Variants in VAV2 observed in about 807,000 individuals in gnomAD.
VAV2 encodes the protein guanine nucleotide exchange factor VAV2.
Under a neutral mutation model 132.5 loss-of-function variants are expected in VAV2, and 67 were observed. The ratio of observed to expected loss-of-function variants is 0.51; its 90% CI spans 0.42 to 0.62. The LOEUF (loss-of-function observed/expected upper bound fraction) is 0.62. Among genes scored for constraint, VAV2 ranks in the 20% least tolerant of loss-of-function variants. VAV2 has a pLI of 0.00. For synonymous variants in VAV2, 492 were observed against 443.5 expected, an observed-to-expected ratio of 1.11 and a Z score of -1.37; for missense variants, 938 against 1,153.6, an observed-to-expected ratio of 0.81 and a Z score of 2.71.
intron 1 of VAV2, among the ~76,000 whole-genome samples, chr9:133,953,235 T>C (rs1197643908): frequency 6.6e-6 from 1 of 152,240 alleles, no homozygotes; most frequent in Non-Finnish European, 1.5e-5. Flanking sequence ...GGCGCTGGCC[T>C]GTGGTTCTTT....
chr9:133,791,801 CT>C lies in VAV2; in HGVS notation c.1169del (p.Gln390ArgfsTer4). The C allele has an allele frequency of 6.2e-7, 1 of 1,614,176 alleles. No homozygotes were observed. Among genetic ancestry groups the C allele is most frequent in the South Asian group, 1.1e-5 (1 of 91,088 alleles). On this transcript the variant is annotated frameshift_variant, in exon 13 of 30. Coordinates refer to ENST00000371850, the MANE Select transcript of VAV2 (RefSeq NM_001134398.2). LOFTEE classifies it high-confidence loss of function. ...KETLRKISEF[Q>X]SSIENLQVKL... The stretch of plus-strand genomic sequence containing the variant: ...CACTCACCAAATTTTCTATAGAACT[CT>C]GAAATTCGCTGATTTTCCTCAAGGT...
At position 133,840,580 on chromosome 9, in the gene VAV2, A is replaced by C. The variant is rs572557565; in HGVS notation, c.381-6240T>G. On this transcript the variant is annotated intron_variant, in intron 3 of 29. Coordinates refer to ENST00000371850, the MANE Select transcript of VAV2 (RefSeq NM_001134398.2). The surrounding 1 kb of genome is among the most constrained non-coding windows in gnomAD (Gnocchi z 4.5). Reference sequence around the variant, plus strand: ...CAGACCAGAAAACAGAACACCCTACAGGGGTGCCCAAACCCAAACCCCGAA... The same window carrying C: ...CAGACCAGAAAACAGAACACCCTACCGGGGTGCCCAAACCCAAACCCCGAA... 6.6e-6 allele frequency among the ~76,000 whole-genome samples: 1 copy of C among 152,286 alleles called. No homozygotes were observed. Among genetic ancestry groups the C allele is most frequent in the African/African-American group, 2.4e-5 (1 of 41,550 alleles).
rs1833447141 is a variant in VAV2 at position 133,766,759 on chromosome 9, A to ATATATAT, written c.2589+1682_2589+1683insATATATA. 2.9e-3 allele frequency among the ~76,000 whole-genome samples: 322 copies of ATATATAT among 112,096 alleles called. 1 individual carries two copies. Among genetic ancestry groups the ATATATAT allele is most frequent in the Middle Eastern group, 0.014 (3 of 218 alleles). The allele number at this position is 112,096 out of a possible 152,430, so 73.5% of individuals were successfully genotyped here. On this transcript the variant is annotated intron_variant, in intron 29 of 29. Transcript: ENST00000371850. ...TACCCTAGAACTTAAAGTATAAATA[A>ATATATAT]ATATATATATATATATATATATATA...
chr9:133,858,792 G>C (rs550326004), intron 3 of VAV2, among the ~76,000 whole-genome samples: 3 of 152,164 alleles, frequency 2.0e-5, no homozygotes, highest in Non-Finnish European at 4.4e-5. Context: ...TTCAGAGCTG[G>C]GTCCACCGAC....
chr9:133,891,327 G>A (rs111741805), intron 2 of VAV2, among the ~76,000 whole-genome samples: 3,235 of 65,218 alleles, frequency 0.05, 416 homozygotes, highest in South Asian at 0.09. Flanking sequence ...GAGACAGAGG[G>A]GAGGAATAGA....
At position 133,818,191 on chromosome 9, in the gene VAV2, C is replaced by T. The variant is rs576095682; in HGVS notation, c.450-5975G>A. Among the ~76,000 whole-genome samples, 8 of 151,844 alleles carry T rather than the reference C, an allele frequency of 5.3e-5. No homozygotes were observed. The East Asian group carries it at 7.7e-4, about 15-fold the overall frequency. The stretch of plus-strand genomic sequence containing the variant: ...CATCCTGTCTAACATGATGAAAACC[C>T]GTCTCTACTAAAAAAATACAAAAAA... On this transcript the variant is annotated intron_variant, in intron 4 of 29. Coordinates refer to ENST00000371850, the MANE Select transcript of VAV2 (RefSeq NM_001134398.2).
intron 1 of VAV2, among the ~76,000 whole-genome samples, chr9:133,954,201 T>C (rs1307975153): frequency 6.6e-6 from 1 of 152,208 alleles, no homozygotes; most frequent in South Asian, 2.1e-4. Context: ...TCTGTTACCA[T>C]CCCAGTCATT....
intron 4 of VAV2, among the ~76,000 whole-genome samples, chr9:133,820,323 C>CTT (rs1410223095): frequency 1.1e-4 from 16 of 149,082 alleles, no homozygotes; most frequent in African/African-American, 3.5e-4. Flanking sequence ...GTTTCTTTTT[C>CTT]TTTTTCTTTT....
At chr9:133,797,141 G>A (rs1171933958) in intron 10 of VAV2, among the ~76,000 whole-genome samples, 1 of 152,322 alleles carries the variant, frequency 6.6e-6, no homozygotes, top group African/African-American at 2.4e-5. Flanking sequence ...CTCCAGCTGG[G>A]AACAGGAGGG....
chr9:133,873,515 G>A (rs1226442039), intron 2 of VAV2, among the ~76,000 whole-genome samples: 4 of 152,226 alleles, frequency 2.6e-5, no homozygotes, highest in African/African-American at 4.8e-5. Context: ...GCCTGTGAAA[G>A]CAATCAGCAC....
At chr9:133,895,157 C>T (rs2131989755) in intron 2 of VAV2, among the ~76,000 whole-genome samples, 1 of 152,252 alleles carries the variant, frequency 6.6e-6, no homozygotes, top group Non-Finnish European at 1.5e-5. Context: ...GGGCTCAACT[C>T]CTACAGCAAA....
At chr9:133,988,124 G>A (rs561517334) in intron 1 of VAV2, among the ~76,000 whole-genome samples, 77 of 152,318 alleles carry the variant, frequency 5.1e-4, no homozygotes, top group African/African-American at 1.5e-3. Flanking sequence ...AGAGGCCTCC[G>A]GGCTAGACGG....
chr9:133,774,581 C>CA (rs1392250711), intron 25 of VAV2, among the ~76,000 whole-genome samples: 1 of 152,210 alleles, frequency 6.6e-6, no homozygotes, highest in African/African-American at 2.4e-5. Context: ...TCCACTCTCT[C>CA]AACCTGTGGG....
chr9:133,940,698 T>C (rs72764824), intron 1 of VAV2, among the ~76,000 whole-genome samples: 56,239 of 151,364 alleles, frequency 0.37, 10,714 homozygotes, highest in South Asian at 0.42. Flanking sequence ...TGTGTGTGTG[T>C]GTGTGTGTGT....
At chr9:133,981,605 C>T (rs796149999) in intron 1 of VAV2, among the ~76,000 whole-genome samples, 23 of 152,358 alleles carry the variant, frequency 1.5e-4, no homozygotes, top group African/African-American at 4.8e-4. Flanking sequence ...GCCAGACACA[C>T]ACTTTTTGCA....
chr9:133,890,356 G>A (rs939719108), intron 2 of VAV2, among the ~76,000 whole-genome samples: 11 of 152,214 alleles, frequency 7.2e-5, no homozygotes, highest in Admixed American at 2.6e-4. Flanking sequence ...AGGAGGAATC[G>A]TGGCTGTGAG....
At chr9:133,784,065 C>G (rs547875078) in intron 18 of VAV2, among the ~76,000 whole-genome samples, 2 of 152,246 alleles carry the variant, frequency 1.3e-5, no homozygotes, top group Non-Finnish European at 2.9e-5. Context: ...ATTTTTTGTA[C>G]AGACAGAGTT....
At chr9:133,808,321 C>T (rs956575219) in intron 7 of VAV2, among the ~76,000 whole-genome samples, 2 of 152,176 alleles carry the variant, frequency 1.3e-5, no homozygotes, top group Admixed American at 1.3e-4. Context: ...AGCCTGGGCC[C>T]AAGGGGGCAG....
intron 1 of VAV2, among the ~76,000 whole-genome samples, chr9:133,955,467 A>C: frequency 1.4e-5 from 1 of 72,440 alleles, no homozygotes; most frequent in African/African-American, 5.5e-5. Context: ...TCCCCCTGCC[A>C]TGCTGCCCCA....
Sources: gnomAD v4.1 joint callset for allele counts (sites outside exome capture counted in the v4.1 genomes callset) on GRCh38, gnomAD v4.1.1 for gene constraint, Gnocchi (gnomAD v3.1) non-coding constraint, MANE v1.5 for transcripts, NCBI Gene and HGNC (gene_info 2026-07-23, HGNC 2026-07-21) for gene names.